Variants in IRAK1BP1 observed in about 807,000 individuals in gnomAD.
The protein encoded by IRAK1BP1 is interleukin 1 receptor associated kinase 1 binding protein 1.
Under a neutral mutation model 28.0 loss-of-function variants are expected in IRAK1BP1, and 24 were observed. That is an observed-to-expected ratio of 0.86 (90% CI 0.62 to 1.20). IRAK1BP1 has a LOEUF of 1.20. IRAK1BP1 is among the 50% of genes most tolerant of loss of function. The probability of loss-of-function intolerance (pLI) is 0.00; values close to 1 mark genes in which losing one functional copy is unlikely to be tolerated. For missense variants in IRAK1BP1, 336 were observed against 316.7 expected (o/e 1.06, Z -0.46); for synonymous variants, 131 against 116.3 (o/e 1.13, Z -0.81).
At chr6:78,946,313 A>T in exon 5 of IRAK1BP1, 1 of 1,512,288 alleles carries the variant, frequency 6.6e-7, no homozygotes, top group Non-Finnish European at 8.9e-7. Flanking sequence ...GTGAACGAAT[A>T]AAACAGTTTA....
chr6:78,967,013 T>C, the IRAK1BP1 span, among the ~76,000 whole-genome samples: 2 of 152,212 alleles, frequency 1.3e-5, no homozygotes, highest in Admixed American at 1.3e-4. Context: ...CACTCCACAT[T>C]TTGACACACA....
chr6:78,970,646 C>G, the IRAK1BP1 span: 1 of 625,772 alleles, frequency 1.6e-6, no homozygotes, highest in Admixed American at 3.2e-5. Context: ...CTCCTACTCT[C>G]TAGGACTGCT....
chr6:78,924,131 T>C (rs953424540), intron 4 of IRAK1BP1, among the ~76,000 whole-genome samples: 6 of 151,474 alleles, frequency 4.0e-5, no homozygotes, highest in Non-Finnish European at 8.8e-5. Context: ...AATCCAGGAG[T>C]TGGTTTTTTG....
At chr6:78,961,829 T>G in the IRAK1BP1 span, 1 of 1,570,376 alleles carries the variant, frequency 6.4e-7, no homozygotes, top group Non-Finnish European at 8.6e-7. Flanking sequence ...AATAGATAAG[T>G]TTGTAAATTT....
the IRAK1BP1 span, among the ~76,000 whole-genome samples, chr6:78,953,097 T>C: frequency 1.3e-5 from 2 of 152,166 alleles, no homozygotes; most frequent in African/African-American, 4.8e-5. Context: ...TTTTCCATAA[T>C]GGATTTCTAC....
At chr6:78,927,125 C>T (rs142286695) in intron 4 of IRAK1BP1, among the ~76,000 whole-genome samples, 215 of 152,254 alleles carry the variant, frequency 1.4e-3, no homozygotes, top group African/African-American at 4.7e-3. Flanking sequence ...AACCTCCAAA[C>T]TATTCTCCAT....
intron 2 of IRAK1BP1, among the ~76,000 whole-genome samples, chr6:78,891,932 TTTTA>T (rs943461923): frequency 8.5e-5 from 13 of 152,192 alleles, no homozygotes; most frequent in Middle Eastern, 3.2e-3. Context: ...ATCCAATCTT[TTTTA>T]TTTATTTTTA....
At chr6:78,874,712 AT>A (rs1349396747) in intron 1 of IRAK1BP1, among the ~76,000 whole-genome samples, 3 of 152,302 alleles carry the variant, frequency 2.0e-5, no homozygotes, top group African/African-American at 4.8e-5. Context: ...CAGTTTACAA[AT>A]TAATTTCAGG....
chr6:78,955,123 T>A, the IRAK1BP1 span: 3 of 890,898 alleles, frequency 3.4e-6, no homozygotes, highest in Non-Finnish European at 3.3e-6. Flanking sequence ...TTGAAACTAA[T>A]TTGAAATACT....
At chr6:78,903,488 C>CA (rs533525470), downstream of IRAK1BP1, among the ~76,000 whole-genome samples, 63 of 150,430 alleles carry the variant, frequency 4.2e-4, no homozygotes, top group Non-Finnish European at 6.8e-4. Flanking sequence ...GAGACTATTG[C>CA]AAAAAAAAGA....
At chr6:78,963,291 CTT>C in the IRAK1BP1 span, 38 of 1,520,110 alleles carry the variant, frequency 2.5e-5, no homozygotes, top group Non-Finnish European at 3.4e-5. Flanking sequence ...TACATGGTAA[CTT>C]ATTAGTATTC....
At chr6:78,908,058 A>G (rs1325070362), downstream of IRAK1BP1, among the ~76,000 whole-genome samples, 1 of 139,056 alleles carries the variant, frequency 7.2e-6, no homozygotes, top group Non-Finnish European at 1.6e-5. Context: ...TTATTTATTT[A>G]TCTATTTTTT....
chr6:78,924,274 G>C (rs1001553211), intron 4 of IRAK1BP1, among the ~76,000 whole-genome samples: 1 of 152,076 alleles, frequency 6.6e-6, no homozygotes, highest in Non-Finnish European at 1.5e-5. Flanking sequence ...TACCATGAGA[G>C]AATACTATAA....
intron 1 of IRAK1BP1, among the ~76,000 whole-genome samples, chr6:78,885,087 G>A (rs1038220406): frequency 2.6e-5 from 4 of 151,938 alleles, no homozygotes; most frequent in African/African-American, 7.2e-5. Context: ...CAATTTTACC[G>A]TATTGTGATA....
At chr6:78,868,316 C>T (rs993811669) in intron 1 of IRAK1BP1, among the ~76,000 whole-genome samples, 1 of 149,464 alleles carries the variant, frequency 6.7e-6, no homozygotes, top group African/African-American at 2.6e-5. Flanking sequence ...AGAGCACGAC[C>T]TGCTTCCTTC....
At chr6:78,905,518 A>G (rs1470184343), downstream of IRAK1BP1, among the ~76,000 whole-genome samples, 3 of 152,240 alleles carry the variant, frequency 2.0e-5, no homozygotes, top group Admixed American at 6.5e-5. Context: ...CTTGAAAAAT[A>G]GTGTGGCATG....
At chr6:78,955,584 T>C in the IRAK1BP1 span, 29 of 729,472 alleles carry the variant, frequency 4.0e-5, no homozygotes, top group African/African-American at 9.0e-5. Context: ...AGAATATCAA[T>C]ATGGTAATAA....
intron 4 of IRAK1BP1, among the ~76,000 whole-genome samples, chr6:78,928,991 G>T (rs567943869): frequency 6.6e-6 from 1 of 152,192 alleles, no homozygotes; most frequent in East Asian, 1.9e-4. Flanking sequence ...ATGTGTTTTT[G>T]TCTGGTTTTG....
rs142710379 is a variant in IRAK1BP1 at position 78,878,484 on chromosome 6, C to G, written c.316-6894C>G. On this transcript the variant is annotated intron_variant, in intron 1 of 3. Transcript: ENST00000369940. The stretch of plus-strand genomic sequence containing the variant: ...CAGAAAGGACATCCACAACAAAACC[C>G]CATCTGTACGTCACCATCATCAAAG... Among the ~76,000 whole-genome samples, 897 of 152,236 alleles carry G rather than the reference C, an allele frequency of 5.9e-3. 4 individuals carry two copies. Among genetic ancestry groups the G allele is most frequent in the African/African-American group, 0.02 (827 of 41,548 alleles).
Sources: allele counts gnomAD v4.1 joint callset (sites outside exome capture counted in the v4.1 genomes callset), GRCh38; gene constraint gnomAD v4.1.1; transcripts MANE v1.5; gene names NCBI Gene and HGNC (gene_info 2026-07-23, HGNC 2026-07-21).